The following ATP8A1 variants were observed in gnomAD, a reference collection of about 807,000 sequenced individuals.
ATP8A1 encodes phospholipid-transporting ATPase IA.
Under a neutral mutation model 177.7 loss-of-function variants are expected in ATP8A1, and 90 were observed. That is an observed-to-expected ratio of 0.51 (90% CI 0.43 to 0.60). The LOEUF (loss-of-function observed/expected upper bound fraction) is 0.60, where lower values mean the gene tolerates loss of function less well. ATP8A1 is among the 20% of genes least tolerant of loss of function. ATP8A1 has a pLI of 0.00. For synonymous variants in ATP8A1, 493 were observed against 485.9 expected (o/e 1.01, Z -0.19); for missense variants, 1,072 against 1,392.8 (o/e 0.77, Z 3.67).
Position 42,455,524 on chromosome 4 carries a change from C to T in ATP8A1, c.2694+1G>A. 1.2e-6 allele frequency: 2 copies of T among 1,613,586 alleles called. No homozygotes were observed. Among genetic ancestry groups the T allele is most frequent in the Non-Finnish European group, 1.7e-6 (2 of 1,179,714 alleles). ...GGAATTATCAAATGTCCTAAACTTACCACGTTATAGAGACCTATACACCAT... is the reference window on the plus strand; with the variant it reads ...GGAATTATCAAATGTCCTAAACTTATCACGTTATAGAGACCTATACACCAT... On this transcript the variant is annotated splice_donor_variant, in intron 28 of 36. Transcript: ENST00000381668. LOFTEE classifies it high-confidence loss of function.
At chr4:42,634,253 C>A (rs1357108650) in intron 1 of ATP8A1, among the ~76,000 whole-genome samples, 1 of 152,150 alleles carries the variant, frequency 6.6e-6, no homozygotes, top group African/African-American at 2.4e-5. Flanking sequence ...AGTACTACTG[C>A]CTGGTGCTAC....
chr4:42,490,072 C>T (rs1192494885), intron 24 of ATP8A1, among the ~76,000 whole-genome samples: 1 of 152,154 alleles, frequency 6.6e-6, no homozygotes. Flanking sequence ...TTCAAACACT[C>T]AGCCAGGCAA....
chr4:42,475,211 G>A (rs1393063916), intron 25 of ATP8A1, among the ~76,000 whole-genome samples: 2 of 152,090 alleles, frequency 1.3e-5, no homozygotes, highest in Non-Finnish European at 2.9e-5. Flanking sequence ...CTGTCGCCAG[G>A]CTGGACTGCA....
In ATP8A1 at chr4:42,465,021, C is replaced by T. The variant is rs778262095; in HGVS notation, c.2380G>A (p.Val794Ile). The change falls in exon 26 of 37, where the codon GTC becomes ATC. Residue 794 changes from valine to isoleucine, a missense_variant. By Grantham distance (29) the Val-to-Ile change is conservative (BLOSUM62 3). Transcript: ENST00000381668. Reference sequence around the variant, plus strand: ...CCATCACCGATTGCAAGCGTTACGACTTTGACTTGTTTCTTAACCATCTCA... The same window carrying T: ...CCATCACCGATTGCAAGCGTTACGATTTTGACTTGTTTCTTAACCATCTCA... Reference protein sequence around the residue: ...VVEMVKKQVKVVTLAIGDGAN... With the variant: ...VVEMVKKQVKIVTLAIGDGAN... 2 of 1,614,196 alleles carry T rather than the reference C, an allele frequency of 1.2e-6. No individual in the cohort carries two copies. The highest frequency in any genetic ancestry group is 1.7e-6 in the Non-Finnish European group (2 of 1,180,028).
chr4:42,476,373 G>A (rs925824778), intron 25 of ATP8A1, among the ~76,000 whole-genome samples: 5 of 152,096 alleles, frequency 3.3e-5, no homozygotes, highest in African/African-American at 9.7e-5. Flanking sequence ...AGCACTTTGG[G>A]AGGCTGAGGC....
At chr4:42,570,133 C>G (rs993512192) in intron 14 of ATP8A1, among the ~76,000 whole-genome samples, 7 of 152,080 alleles carry the variant, frequency 4.6e-5, no homozygotes, top group African/African-American at 1.4e-4. Context: ...TTTCATCAAC[C>G]CAGCCAAGGC....
intron 19 of ATP8A1, 25 bp downstream of exon 19, chr4:42,548,988 A>G: frequency 6.3e-7 from 1 of 1,575,286 alleles, no homozygotes; most frequent in Non-Finnish European, 8.7e-7. Flanking sequence ...TCTTATCCAT[A>G]CAAATCACTG....
At chr4:42,425,584 C>T (rs947143854) in intron 33 of ATP8A1, among the ~76,000 whole-genome samples, 3 of 152,054 alleles carry the variant, frequency 2.0e-5, no homozygotes, top group African/African-American at 7.2e-5. Context: ...AATAAAATCC[C>T]ACAGAGGTAT....
chr4:42,472,126 G>T, intron 25 of ATP8A1: 1 of 668,644 alleles, frequency 1.5e-6, no homozygotes, highest in Non-Finnish European at 2.9e-6. Flanking sequence ...AAGCCAGCTT[G>T]AAAAAGCCAT....
At chr4:42,504,735 C>T (rs1724193960) in intron 23 of ATP8A1, among the ~76,000 whole-genome samples, 1 of 152,236 alleles carries the variant, frequency 6.6e-6, no homozygotes. Flanking sequence ...ACTGTTTTTA[C>T]AGGAAAGTCA....
chr4:42,600,538 C>T lies in ATP8A1; in HGVS notation c.410-20G>A, dbSNP rs756915648. The stretch of plus-strand genomic sequence containing the variant: ...TCAAAACTGGAAAGAGAAAAGGTGA[C>T]ATTTTAAACAACATGTTTTACTATG... On this transcript the variant is annotated intron_variant, in intron 5 of 36. Coordinates refer to ENST00000381668, the MANE Select transcript of ATP8A1 (RefSeq NM_006095.2). The T allele has an allele frequency of 4.4e-6, 7 of 1,603,704 alleles. No individual in the cohort carries two copies. The East Asian group carries it at 1.6e-4, about 36-fold the overall frequency.
chr4:42,590,981 A>G (rs1734117563), intron 6 of ATP8A1, 97 bp from the exon 7 acceptor site: 18 of 1,101,516 alleles, frequency 1.6e-5, no homozygotes, highest in Non-Finnish European at 2.7e-6. Flanking sequence ...GAAAGTTCGA[A>G]ATTATTATAG....
chr4:42,591,079 A>C (rs925343257), intron 6 of ATP8A1, among the ~76,000 whole-genome samples, 195 bp from the exon 7 acceptor site: 1 of 152,172 alleles, frequency 6.6e-6, no homozygotes, highest in Non-Finnish European at 1.5e-5. Context: ...AAAACATTTA[A>C]TATTTGAGGG....
intron 22 of ATP8A1, 94 bp from the exon 23 acceptor site, chr4:42,507,248 C>T (rs1724465400): frequency 6.3e-6 from 8 of 1,273,960 alleles, no homozygotes; most frequent in Non-Finnish European, 8.8e-6. Context: ...AAATCAGAGA[C>T]TAAATGATAA....
At chr4:42,525,562 T>A (rs1208895524) in intron 20 of ATP8A1, among the ~76,000 whole-genome samples, 8 of 152,224 alleles carry the variant, frequency 5.3e-5, no homozygotes, top group Non-Finnish European at 1.5e-5. Flanking sequence ...TGTTACCAGA[T>A]TATGTTTAAA....
rs368892235 is a variant in ATP8A1 at position 42,412,907 on chromosome 4, C to T, written c.*9G>A. On this transcript the variant is annotated 3_prime_UTR_variant, in exon 37 of 37. Coordinates refer to ENST00000381668, the MANE Select transcript of ATP8A1 (RefSeq NM_006095.2). ...GAGGTAACAGAGCCTGCCTTTCAGG[C>T]TCTCCCCATCACCATTCGTCGGGCC... 20 of 1,612,586 alleles carry T rather than the reference C, an allele frequency of 1.2e-5. No individual in the cohort carries two copies. Among genetic ancestry groups the T allele is most frequent in the East Asian group, 2.2e-5 (1 of 44,868 alleles).
chr4:42,602,092 G>A (rs1735337991), intron 5 of ATP8A1, among the ~76,000 whole-genome samples: 1 of 151,940 alleles, frequency 6.6e-6, no homozygotes, highest in African/African-American at 2.4e-5. Flanking sequence ...GTGCATTTTG[G>A]TGAATCAACT....
intron 25 of ATP8A1, among the ~76,000 whole-genome samples, chr4:42,482,621 A>AC (rs1288153266): frequency 6.6e-6 from 1 of 152,240 alleles, no homozygotes; most frequent in Non-Finnish European, 1.5e-5. Context: ...TGGAGGGACA[A>AC]CACTCATCTT....
At chr4:42,521,089 C>T (rs1012965345) in intron 22 of ATP8A1, among the ~76,000 whole-genome samples, 2 of 152,030 alleles carry the variant, frequency 1.3e-5, no homozygotes, top group East Asian at 1.9e-4. Flanking sequence ...GTACACAGTT[C>T]GATAGAGAGG....
Sources: allele counts gnomAD v4.1 joint callset (sites outside exome capture counted in the v4.1 genomes callset), GRCh38; gene constraint gnomAD v4.1.1; transcripts MANE v1.5; gene names NCBI Gene and HGNC (gene_info 2026-07-23, HGNC 2026-07-21).